Variants in SEC24B observed in about 807,000 individuals in gnomAD.
SEC24B encodes the protein protein transport protein Sec24B.
Under a neutral mutation model 142.8 loss-of-function variants are expected in SEC24B, and 45 were observed. That is an observed-to-expected ratio of 0.32 (90% CI 0.25 to 0.40). The LOEUF is 0.40. SEC24B is among the 10% of genes least tolerant of loss of function. The pLI is 1.00. For missense variants in SEC24B, 1,409 were observed against 1,526.8 expected, an observed-to-expected ratio of 0.92 and a Z score of 1.29; for synonymous variants, 574 against 568.2, an observed-to-expected ratio of 1.01 and a Z score of -0.15.
Position 109,517,951 on chromosome 4 carries a change from ATTTATTTAT to A in SEC24B, c.2126+1314_2126+1322del, listed in dbSNP as rs1163408277. 4.1e-4 allele frequency among the ~76,000 whole-genome samples: 28 copies of A among 68,168 alleles called. No individual in the cohort carries two copies. The South Asian group carries it at 0.012, about 30-fold the overall frequency. 44.7% of individuals were successfully genotyped at this position (68,168 alleles called of 152,430 possible). A position where few individuals can be genotyped will look rare whatever the true frequency, so the allele number is the denominator to read the frequency against. ...GAGCATTTTGTTTGTTTGTTTGTTT[ATTTATTTAT>A]TTATTTATTTATTTATTTATTTTTT... is the stretch of plus-strand genomic sequence containing the variant. On this transcript the variant is annotated intron_variant, in intron 11 of 23. Transcript: ENST00000265175.
At chr4:109,479,245 A>T (rs1733480340) in intron 3 of SEC24B, among the ~76,000 whole-genome samples, 1 of 152,188 alleles carries the variant, frequency 6.6e-6, no homozygotes, top group Non-Finnish European at 1.5e-5. Context: ...GAGTAGATTT[A>T]TACCTTGGAA....
Position 109,433,934 on chromosome 4 carries a change from G to A in SEC24B, c.65G>A (p.Gly22Glu). Residue 22 changes from glycine to glutamate, a missense_variant, in exon 1 of 24, where the codon GGA becomes GAA. Physicochemically the swap from Gly to Glu is moderately conservative, Grantham distance 98. Coordinates refer to ENST00000265175, the MANE Select transcript of SEC24B (RefSeq NM_006323.5). Reference protein sequence around the residue: ...ASARIPPKFGGAAVSGAAAPA... With the variant: ...ASARIPPKFGEAAVSGAAAPA... Reference sequence around the variant, plus strand: ...GCCCGGATCCCGCCCAAGTTCGGCGGAGCGGCCGTCTCAGGAGCCGCAGCG... The same window carrying A: ...GCCCGGATCCCGCCCAAGTTCGGCGAAGCGGCCGTCTCAGGAGCCGCAGCG... The A allele has an allele frequency of 7.8e-7, 1 of 1,288,808 alleles. No homozygotes were observed. Among genetic ancestry groups the A allele is most frequent in the South Asian group, 2.3e-5 (1 of 43,378 alleles). 79.8% of individuals were successfully genotyped at this position (1,288,808 alleles called of 1,614,324 possible). A position where few individuals can be genotyped will look rare whatever the true frequency, so the allele number is the denominator to read the frequency against.
intron 3 of SEC24B, among the ~76,000 whole-genome samples, chr4:109,479,249 C>T (rs1733480680): frequency 6.6e-6 from 1 of 152,106 alleles, no homozygotes; most frequent in African/African-American, 2.4e-5. Context: ...AGATTTATAC[C>T]TTGGAAGCTC....
At chr4:109,448,649 G>T (rs375400993) in intron 1 of SEC24B, among the ~76,000 whole-genome samples, 6 of 152,082 alleles carry the variant, frequency 3.9e-5, no homozygotes, top group African/African-American at 1.4e-4. Context: ...CGCCATGTTG[G>T]TCAGGCTGTT....
At position 109,538,539 on chromosome 4, in the gene SEC24B, C is replaced by G; in HGVS notation, c.3635C>G (p.Ser1212Cys). ...LDTLSSERARSFITWLRDSRP... is the reference protein window; with the variant it reads ...LDTLSSERARCFITWLRDSRP... The stretch of plus-strand genomic sequence containing the variant: ...ACACTTTCATCAGAAAGAGCCAGAT[C>G]CTTCATAACTTGGCTTAGAGACAGC... Residue 1212 changes from serine to cysteine, a missense_variant, in exon 23 of 24, where the codon TCC becomes TGC. Ser to Cys is a moderately radical substitution (Grantham distance 112, BLOSUM62 -1). Transcript: ENST00000265175. 6.2e-7 allele frequency: 1 copy of G among 1,613,350 alleles called. No homozygotes were observed. Among genetic ancestry groups the G allele is most frequent in the Non-Finnish European group, 8.5e-7 (1 of 1,179,378 alleles).
intron 1 of SEC24B, among the ~76,000 whole-genome samples, chr4:109,456,339 T>TG (rs1553995199): frequency 6.0e-5 from 9 of 149,628 alleles, no homozygotes; most frequent in East Asian, 5.8e-4. Flanking sequence ...TTTTTGTTTT[T>TG]TTTTTTTTTT....
chr4:109,484,664 A>G (rs1173962300), intron 4 of SEC24B, among the ~76,000 whole-genome samples: 4 of 152,130 alleles, frequency 2.6e-5, no homozygotes. Context: ...CAGCCTGGCC[A>G]ACATGGTGAA....
intron 6 of SEC24B, among the ~76,000 whole-genome samples, chr4:109,495,341 A>C (rs2126011589): frequency 6.6e-6 from 1 of 152,354 alleles, no homozygotes; most frequent in African/African-American, 2.4e-5. Context: ...TCATAGGCTC[A>C]CATGCTCATT....
intron 1 of SEC24B, among the ~76,000 whole-genome samples, chr4:109,454,964 G>T (rs80151071): frequency 6.5e-4 from 99 of 152,318 alleles, no homozygotes; most frequent in African/African-American, 2.2e-3. Context: ...GTTCACATTA[G>T]ATTATAGCCT....
intron 15 of SEC24B, 63 bp from the exon 16 acceptor site, chr4:109,525,283 A>T: frequency 7.4e-7 from 1 of 1,346,326 alleles, no homozygotes; most frequent in Non-Finnish European, 1.0e-6. Context: ...AATCTGTACT[A>T]CTGTTGGACA....
chr4:109,500,647 C>A (rs189875695), intron 6 of SEC24B, among the ~76,000 whole-genome samples: 1 of 151,284 alleles, frequency 6.6e-6, no homozygotes, highest in Admixed American at 6.6e-5. Flanking sequence ...TAATGTATTA[C>A]AGAAGAAAGA....
At chr4:109,493,188 A>G (rs1056471959) in intron 5 of SEC24B, among the ~76,000 whole-genome samples, 1 of 152,162 alleles carries the variant, frequency 6.6e-6, no homozygotes, top group Admixed American at 6.5e-5. Context: ...AAAGCCAGTA[A>G]GCTGATCCTT....
intron 6 of SEC24B, among the ~76,000 whole-genome samples, chr4:109,503,392 A>C (rs530419446): frequency 1.3e-5 from 2 of 151,870 alleles, no homozygotes; most frequent in Admixed American, 1.3e-4. Context: ...CACCCAGCTA[A>C]TTTTTCAATT....
chr4:109,523,217 C>G (rs952163302), intron 14 of SEC24B, among the ~76,000 whole-genome samples: 1 of 152,090 alleles, frequency 6.6e-6, no homozygotes, highest in Non-Finnish European at 1.5e-5. Context: ...CACCTATAAT[C>G]CCGGCACTTT....
chr4:109,498,630 CTGGGA>C (rs1735783713), intron 6 of SEC24B, among the ~76,000 whole-genome samples: 2 of 152,192 alleles, frequency 1.3e-5, no homozygotes, highest in Non-Finnish European at 2.9e-5. Flanking sequence ...TCCCAAAGTG[CTGGGA>C]TCACAGGTGT....
chr4:109,534,273 T>C (rs1223613736), intron 22 of SEC24B, among the ~76,000 whole-genome samples: 1 of 128,970 alleles, frequency 7.8e-6, no homozygotes, highest in Admixed American at 6.8e-5. Flanking sequence ...AGAAGAAATA[T>C]TTGTGGTTTT....
intron 22 of SEC24B, among the ~76,000 whole-genome samples, chr4:109,534,789 C>T (rs1019791484): frequency 1.3e-5 from 2 of 152,100 alleles, no homozygotes; most frequent in Admixed American, 6.5e-5. Context: ...GTTCTCTTAC[C>T]TCAGCCTCCT....
chr4:109,446,455 A>G (rs1277753307), intron 1 of SEC24B, among the ~76,000 whole-genome samples: 1 of 152,216 alleles, frequency 6.6e-6, no homozygotes. Context: ...AGTGAAACTG[A>G]TTTTGGACCT....
At chr4:109,452,128 C>T (rs556568002) in intron 1 of SEC24B, among the ~76,000 whole-genome samples, 1 of 152,158 alleles carries the variant, frequency 6.6e-6, no homozygotes, top group South Asian at 2.1e-4. Flanking sequence ...CCCTGGCAGC[C>T]ATTGCTCTGT....
Sources: gnomAD v4.1 joint callset for allele counts (sites outside exome capture counted in the v4.1 genomes callset) on GRCh38, gnomAD v4.1.1 for gene constraint, MANE v1.5 for transcripts, NCBI Gene and HGNC (gene_info 2026-07-23, HGNC 2026-07-21) for gene names.